The following PREX2 variants were observed in gnomAD, a reference collection of about 807,000 sequenced individuals.
PREX2 encodes phosphatidylinositol-3,4,5-trisphosphate dependent Rac exchange factor 2.
Under a neutral mutation model 203.2 loss-of-function variants are expected in PREX2, and 107 were observed. That is an observed-to-expected ratio of 0.53 (90% CI 0.45 to 0.62). The LOEUF (loss-of-function observed/expected upper bound fraction) is 0.62. Ranked by LOEUF, PREX2 falls within the 20% of genes least tolerant of loss-of-function variation. The pLI, the probability that PREX2 is intolerant of heterozygous loss-of-function variation, is 0.00. For missense variants in PREX2, 1,777 were observed against 1,955.9 expected, an observed-to-expected ratio of 0.91 and a Z score of 1.72; for synonymous variants, 672 against 663.6, an observed-to-expected ratio of 1.01 and a Z score of -0.19.
chr8:68,114,771 G>A (rs1232566979), intron 25 of PREX2, among the ~76,000 whole-genome samples: 3 of 152,100 alleles, frequency 2.0e-5, no homozygotes, highest in Non-Finnish European at 4.4e-5. Context: ...TTAGTGTCTT[G>A]TAATCCCCAA....
rs1810207750 is a variant in PREX2 at position 68,099,851 on chromosome 8, T to A, written c.2715+8T>A. 1 of 1,587,460 alleles carries A rather than the reference T, an allele frequency of 6.3e-7. No individual in the cohort carries two copies. The highest frequency in any genetic ancestry group is 1.1e-5 in the South Asian group (1 of 90,538). Reference sequence around the variant, plus strand: ...ATATCCAGTTATAAAAAGGTAAGTGTTCTATTGATTTTATACACAATTATT... The same window carrying A: ...ATATCCAGTTATAAAAAGGTAAGTGATCTATTGATTTTATACACAATTATT... On this transcript the variant is annotated splice_region_variant and intron_variant, in intron 23 of 39. Transcript: ENST00000288368.
chr8:68,160,018 C>G (rs1811624775), intron 35 of PREX2, among the ~76,000 whole-genome samples: 1 of 152,112 alleles, frequency 6.6e-6, no homozygotes, highest in African/African-American at 2.4e-5. Context: ...TCAGCAATAT[C>G]TCAAACAAAA....
At chr8:68,071,475 C>A (rs897110424) in intron 13 of PREX2, among the ~76,000 whole-genome samples, 2 of 152,120 alleles carry the variant, frequency 1.3e-5, no homozygotes, top group Non-Finnish European at 2.9e-5. Context: ...ATGAATATAG[C>A]TAGTAATTAT....
intron 1 of PREX2, among the ~76,000 whole-genome samples, chr8:67,961,126 C>T (rs545000962): frequency 6.6e-4 from 100 of 151,958 alleles, no homozygotes; most frequent in Non-Finnish European, 1.1e-3. Flanking sequence ...ATAGTTTCCT[C>T]AGCACTTGTT....
intron 38 of PREX2, chr8:68,223,499 A>T (rs1812997683): frequency 6.6e-6 from 1 of 151,716 alleles, no homozygotes; most frequent in Non-Finnish European, 1.5e-5. Context: ...TTGATGCCAC[A>T]CCCCCTTCCC....
intron 37 of PREX2, among the ~76,000 whole-genome samples, chr8:68,199,653 G>A (rs1423289778): frequency 6.6e-6 from 1 of 152,142 alleles, no homozygotes; most frequent in Non-Finnish European, 1.5e-5. Flanking sequence ...AAGATGAACA[G>A]TATAATGACT....
intron 8 of PREX2, among the ~76,000 whole-genome samples, chr8:68,047,267 A>G (rs1585735201): frequency 6.6e-6 from 1 of 151,664 alleles, no homozygotes; most frequent in East Asian, 2.0e-4. Flanking sequence ...AGTCTGCTAT[A>G]TTTTTTACTT....
chr8:68,212,252 C>T (rs1333505667), intron 37 of PREX2, among the ~76,000 whole-genome samples: 1 of 152,226 alleles, frequency 6.6e-6, no homozygotes. Flanking sequence ...TCTGCCATTA[C>T]ACCCTTCGCT....
chr8:68,166,551 C>A (rs1811764463), intron 35 of PREX2, among the ~76,000 whole-genome samples: 1 of 152,144 alleles, frequency 6.6e-6, no homozygotes, highest in African/African-American at 2.4e-5. Context: ...ATCTTGACTT[C>A]TTAAGAAGTA....
At chr8:68,099,306 GA>G (rs1238019188) in intron 22 of PREX2, among the ~76,000 whole-genome samples, 1 of 150,448 alleles carries the variant, frequency 6.6e-6, no homozygotes, top group African/African-American at 2.4e-5. Context: ...ACCAAATTGA[GA>G]AAAAAAAATG....
At chr8:68,060,491 T>A (rs1442293559) in intron 10 of PREX2, among the ~76,000 whole-genome samples, 188 bp from the exon 11 acceptor site, 2 of 152,248 alleles carry the variant, frequency 1.3e-5, no homozygotes, top group East Asian at 3.9e-4. Flanking sequence ...ATGGGTTTTC[T>A]AGAATAGAGT....
intron 37 of PREX2, among the ~76,000 whole-genome samples, chr8:68,200,804 G>A (rs942296219): frequency 6.6e-6 from 1 of 152,016 alleles, no homozygotes; most frequent in Non-Finnish European, 1.5e-5. Flanking sequence ...GGCCAAACAG[G>A]CCTTGCTTTT....
chr8:68,033,791 T>C (rs891087125), intron 6 of PREX2, among the ~76,000 whole-genome samples: 3 of 152,176 alleles, frequency 2.0e-5, no homozygotes, highest in African/African-American at 7.2e-5. Flanking sequence ...TTTGGGGAAA[T>C]ACTGATTCTC....
chr8:68,049,698 T>C (rs771347649), intron 8 of PREX2, among the ~76,000 whole-genome samples: 4 of 152,164 alleles, frequency 2.6e-5, no homozygotes, highest in Non-Finnish European at 4.4e-5. Context: ...AAAATTAACA[T>C]TTTAGATCCA....
chr8:68,211,121 A>C (rs56335415), intron 37 of PREX2, among the ~76,000 whole-genome samples: 2 of 152,018 alleles, frequency 1.3e-5, no homozygotes, highest in African/African-American at 4.8e-5. Flanking sequence ...TTAGTTCTAC[A>C]GTTTGCTGTG....
intron 1 of PREX2, among the ~76,000 whole-genome samples, chr8:67,998,821 A>G (rs997763616): frequency 1.3e-5 from 2 of 152,132 alleles, no homozygotes; most frequent in Admixed American, 6.5e-5. Flanking sequence ...ACTTTAGCTG[A>G]TTTCTCTGTG....
At chr8:68,044,787 T>C (rs1808301744) in intron 8 of PREX2, among the ~76,000 whole-genome samples, 197 bp downstream of exon 8, 1 of 152,100 alleles carries the variant, frequency 6.6e-6, no homozygotes, top group Admixed American at 6.6e-5. Context: ...GAAAATTATA[T>C]ATAGCCAAAA....
At chr8:68,099,187 A>G (rs748231328) in intron 22 of PREX2, among the ~76,000 whole-genome samples, 2 of 152,132 alleles carry the variant, frequency 1.3e-5, no homozygotes, top group Non-Finnish European at 2.9e-5. Context: ...ATAACTTTTC[A>G]TTTATTCATT....
intron 25 of PREX2, among the ~76,000 whole-genome samples, chr8:68,114,828 A>G (rs1017303169): frequency 7.2e-5 from 11 of 152,132 alleles, no homozygotes; most frequent in Non-Finnish European, 1.6e-4. Flanking sequence ...TAGACAATCC[A>G]ATATTCTCCC....
Sources: gnomAD v4.1 joint callset for allele counts (sites outside exome capture counted in the v4.1 genomes callset) on GRCh38, gnomAD v4.1.1 for gene constraint, MANE v1.5 for transcripts, NCBI Gene and HGNC (gene_info 2026-07-23, HGNC 2026-07-21) for gene names.